The following BNC2 variants were observed in gnomAD, a reference collection of about 807,000 sequenced individuals.
BNC2 encodes the protein basonuclin zinc finger protein 2, also known as zinc finger protein basonuclin-2.
A neutral mutation model predicts 76.3 loss-of-function variants in BNC2; 20 were observed. The ratio of observed to expected loss-of-function variants is 0.26; its 90% CI spans 0.18 to 0.38. The LOEUF (loss-of-function observed/expected upper bound fraction) is 0.38. Among genes scored for constraint, BNC2 ranks in the 10% least tolerant of loss-of-function variants. The probability of loss-of-function intolerance (pLI) is 1.00; values close to 1 mark genes in which losing one functional copy is unlikely to be tolerated. For synonymous variants in BNC2, 582 were observed against 514.8 expected, an observed-to-expected ratio of 1.13 and a Z score of -1.77; for missense variants, 1,382 against 1,399.8, an observed-to-expected ratio of 0.99 and a Z score of 0.20.
Position 16,541,085 on chromosome 9 carries a change from G to A in BNC2, c.669+11445C>T, listed in dbSNP as rs117322018. 4.9e-4 allele frequency among the ~76,000 whole-genome samples: 75 copies of A among 152,258 alleles called. 1 individual carries two copies. The East Asian group carries it at 0.014, about 28-fold the overall frequency. ...GAAAAGAAATAAACTTCCTTCAGGT[G>A]CCCTAGGTCTGGCAGGATCCAAATG... is the stretch of plus-strand genomic sequence containing the variant. On this transcript the variant is annotated intron_variant, in intron 5 of 6. Coordinates refer to ENST00000380672, the MANE Select transcript of BNC2 (RefSeq NM_017637.6).
chr9:16,575,491 A>C, intron 4 of BNC2: 1 of 959,724 alleles, frequency 1.0e-6, no homozygotes. Flanking sequence ...GCTGGGTTTA[A>C]AGAAAATTTA....
At chr9:16,707,018 C>T (rs1005202186) in intron 3 of BNC2, among the ~76,000 whole-genome samples, 1 of 152,094 alleles carries the variant, frequency 6.6e-6, no homozygotes, top group Non-Finnish European at 1.5e-5. Flanking sequence ...CTGGCTAACA[C>T]GGTGAAACCC....
At chr9:16,603,220 A>G (rs1820291828) in intron 3 of BNC2, among the ~76,000 whole-genome samples, 2 of 152,234 alleles carry the variant, frequency 1.3e-5, no homozygotes, top group Non-Finnish European at 1.5e-5. Context: ...ACACTAGCAG[A>G]TAAGTCAGGG....
chr9:16,766,074 A>G (rs1444926271), intron 1 of BNC2, among the ~76,000 whole-genome samples: 3 of 152,224 alleles, frequency 2.0e-5, no homozygotes, highest in South Asian at 2.1e-4. Flanking sequence ...GGCGTGAGCC[A>G]CCGCGCCCGG....
chr9:16,773,358 C>G (rs946509535), intron 1 of BNC2, among the ~76,000 whole-genome samples: 8 of 152,024 alleles, frequency 5.3e-5, no homozygotes, highest in South Asian at 2.1e-4. Context: ...AACAAAAAGC[C>G]TTTTTTCCCC....
chr9:16,582,784 C>T (rs1023534681), intron 4 of BNC2, among the ~76,000 whole-genome samples, 199 bp downstream of exon 4: 1 of 152,166 alleles, frequency 6.6e-6, no homozygotes, highest in African/African-American at 2.4e-5. Flanking sequence ...GCTCGCCTAG[C>T]TCCTTGGAGC....
intron 5 of BNC2, among the ~76,000 whole-genome samples, chr9:16,528,709 T>C (rs1372969405): frequency 6.6e-6 from 1 of 152,188 alleles, no homozygotes; most frequent in African/African-American, 2.4e-5. Context: ...CAACAGTGTT[T>C]GAAAAGCCCA....
intron 1 of BNC2, chr9:16,832,366 G>C: frequency 4.5e-5 from 54 of 1,211,248 alleles, no homozygotes; most frequent in Non-Finnish European, 5.7e-5. Flanking sequence ...AAACAGAACA[G>C]AGAACACAAT....
chr9:16,694,159 G>A (rs1325221707), intron 3 of BNC2, among the ~76,000 whole-genome samples: 1 of 152,104 alleles, frequency 6.6e-6, no homozygotes, highest in African/African-American at 2.4e-5. Context: ...CAAATTGAAA[G>A]GGTTTCCTCC....
intron 5 of BNC2, among the ~76,000 whole-genome samples, chr9:16,546,435 C>T (rs1818484496): frequency 6.6e-6 from 1 of 152,180 alleles, no homozygotes; most frequent in Admixed American, 6.5e-5. Context: ...CCAATCCCTG[C>T]ACATGGTATA....
intron 1 of BNC2, among the ~76,000 whole-genome samples, chr9:16,777,666 A>G (rs1358327409): frequency 6.8e-6 from 1 of 146,866 alleles, no homozygotes; most frequent in Non-Finnish European, 1.5e-5. Flanking sequence ...GCACCACTGC[A>G]TTCCAGCCTT....
chr9:16,760,893 A>G lies in BNC2; in HGVS notation c.4-22408T>C, dbSNP rs182478702. 6.9e-3 allele frequency among the ~76,000 whole-genome samples: 1,044 copies of G among 152,298 alleles called. 9 individuals carry two copies. The highest frequency in any genetic ancestry group is 0.023 in the African/African-American group (948 of 41,562). On this transcript the variant is annotated intron_variant, in intron 1 of 6. Coordinates refer to ENST00000380672, the MANE Select transcript of BNC2 (RefSeq NM_017637.6). ...AGCATTTCTTTAAAAAAAGAAAGAA[A>G]AAAGAAAAGTAGGTAACAATGAACC...
intron 1 of BNC2, chr9:16,832,289 G>A (rs997579350): frequency 4.7e-6 from 6 of 1,283,776 alleles, no homozygotes; most frequent in Admixed American, 4.7e-5. Flanking sequence ...CATCAGTCAT[G>A]TGTCATGTTA....
intron 1 of BNC2, among the ~76,000 whole-genome samples, chr9:16,862,214 A>G (rs1819428087): frequency 6.6e-6 from 1 of 152,218 alleles, no homozygotes; most frequent in Admixed American, 6.5e-5. Flanking sequence ...AAACTTGTAC[A>G]TGAATGTTCA....
At chr9:16,706,900 C>A (rs1392087755) in intron 3 of BNC2, among the ~76,000 whole-genome samples, 1 of 152,204 alleles carries the variant, frequency 6.6e-6, no homozygotes, top group Non-Finnish European at 1.5e-5. Context: ...TCAGTTTAAT[C>A]TATATAAAAT....
intron 5 of BNC2, among the ~76,000 whole-genome samples, chr9:16,546,633 A>T (rs958290498): frequency 2.0e-5 from 3 of 152,238 alleles, no homozygotes; most frequent in African/African-American, 7.2e-5. Context: ...GAGTATCAGG[A>T]AATAGGCAAG....
intron 3 of BNC2, among the ~76,000 whole-genome samples, chr9:16,717,935 A>G (rs1824037007): frequency 6.6e-6 from 1 of 152,222 alleles, no homozygotes; most frequent in Non-Finnish European, 1.5e-5. Context: ...AACTGTTTAC[A>G]CAAGTTAAAA....
At chr9:16,618,706 G>A (rs1820780247) in intron 3 of BNC2, among the ~76,000 whole-genome samples, 1 of 152,152 alleles carries the variant, frequency 6.6e-6, no homozygotes, top group Non-Finnish European at 1.5e-5. Flanking sequence ...CATGAGCCTT[G>A]ATTGCACAAT....
chr9:16,696,210 G>A (rs1823333222), intron 3 of BNC2, among the ~76,000 whole-genome samples: 1 of 152,090 alleles, frequency 6.6e-6, no homozygotes, highest in Non-Finnish European at 1.5e-5. Flanking sequence ...CCTAGATCAT[G>A]TTTATAGCTC....
Sources: allele counts gnomAD v4.1 joint callset (sites outside exome capture counted in the v4.1 genomes callset), GRCh38; gene constraint gnomAD v4.1.1; transcripts MANE v1.5; gene names NCBI Gene and HGNC (gene_info 2026-07-23, HGNC 2026-07-21).